The following XKR9 variants were observed in gnomAD, a reference collection of about 807,000 sequenced individuals.
The protein encoded by XKR9 is XK-related protein 9.
A neutral mutation model predicts 32.0 loss-of-function variants in XKR9; 32 were observed. The observed-to-expected ratio is 1.00, with a 90% CI of 0.76 to 1.34. XKR9 has a LOEUF of 1.34. XKR9 is among the 40% of genes most tolerant of loss of function. The probability of loss-of-function intolerance (pLI) is 0.00; values close to 1 mark genes in which losing one functional copy is unlikely to be tolerated. For synonymous variants in XKR9, 168 were observed against 143.4 expected (o/e 1.17, Z -1.22); for missense variants, 546 against 429.7 (o/e 1.27, Z -2.39).
the XKR9 span, among the ~76,000 whole-genome samples, chr8:71,055,726 A>G: frequency 6.6e-6 from 1 of 152,156 alleles, no homozygotes; most frequent in African/African-American, 2.4e-5. Flanking sequence ...AAAAAAATAG[A>G]TTCTTTCCTT....
the XKR9 span, among the ~76,000 whole-genome samples, chr8:70,796,881 C>T: frequency 1.3e-5 from 2 of 152,256 alleles, no homozygotes; most frequent in South Asian, 2.1e-4. Context: ...CTTTAGGTTA[C>T]AGGCTTAAGA....
chr8:70,813,906 C>G, the XKR9 span, among the ~76,000 whole-genome samples: 1 of 152,116 alleles, frequency 6.6e-6, no homozygotes. Flanking sequence ...GGATCTAGAA[C>G]TAGAAATACC....
In XKR9 at chr8:70,790,049, T is replaced by C. The variant is rs1441328503; in HGVS notation, n.476-32T>C. On this transcript the variant is annotated intron_variant and non_coding_transcript_variant, in intron 3 of 3. Transcript: ENST00000520273. Reference sequence around the variant, plus strand: ...CCCAGTCACCTTTGACAATTGTTTCTTTTTTTTTTTTTTTTTGGCCTCATG... The same window carrying C: ...CCCAGTCACCTTTGACAATTGTTTCCTTTTTTTTTTTTTTTTGGCCTCATG... 4 of 106,248 alleles carry C rather than the reference T, an allele frequency of 3.8e-5. No homozygotes were observed. In the East Asian group the frequency reaches 8.9e-4, roughly 24 times the overall value. The allele number at this position is 106,248 out of a possible 1,614,324, so 6.6% of individuals were successfully genotyped here.
chr8:70,818,254 G>A, the XKR9 span, among the ~76,000 whole-genome samples: 2 of 151,540 alleles, frequency 1.3e-5, no homozygotes, highest in Non-Finnish European at 2.9e-5. Context: ...TCAAGTTTCA[G>A]GTTAAATTCT....
the XKR9 span, among the ~76,000 whole-genome samples, chr8:71,034,773 C>T: frequency 6.6e-6 from 1 of 152,064 alleles, no homozygotes; most frequent in African/African-American, 2.4e-5. Flanking sequence ...AGAGGTAAAC[C>T]ATTCCCACTA....
chr8:70,760,122 G>A (rs551982729), intron 2 of XKR9, among the ~76,000 whole-genome samples: 22 of 152,106 alleles, frequency 1.4e-4, no homozygotes, highest in African/African-American at 3.1e-4. Flanking sequence ...TCAAATTAGC[G>A]TATCTTCAAC....
At chr8:70,841,599 T>A in the XKR9 span, among the ~76,000 whole-genome samples, 1 of 152,190 alleles carries the variant, frequency 6.6e-6, no homozygotes, top group Non-Finnish European at 1.5e-5. Context: ...GTTCTGTTAA[T>A]CTGGAATCAT....
the XKR9 span, among the ~76,000 whole-genome samples, chr8:71,050,298 TATATAGATATAG>T: frequency 1.1e-5 from 1 of 92,762 alleles, no homozygotes; most frequent in Non-Finnish European, 2.2e-5. Flanking sequence ...TATAGATATA[TATATAGATATAG>T]ATATAGATAT....
intron 4 of XKR9, among the ~76,000 whole-genome samples, chr8:70,718,589 GT>G (rs1806170032): frequency 6.6e-6 from 1 of 152,082 alleles, no homozygotes; most frequent in Non-Finnish European, 1.5e-5. Flanking sequence ...TTCTCTTCCT[GT>G]GTTAGTTTGC....
At position 70,674,890 on chromosome 8, in the gene XKR9, T is replaced by C. The variant is rs1818832303; in HGVS notation, c.-288T>C. The C allele has an allele frequency of 1.3e-5, 2 of 152,256 alleles. No homozygotes were observed. Among genetic ancestry groups the C allele is most frequent in the African/African-American group, 2.4e-5 (1 of 41,460 alleles). The allele number at this position is 152,256 out of a possible 1,614,324, so 9.4% of individuals were successfully genotyped here. ...ACTTTGAGTCAAAGATGGCTTTTTATATTTGACAAGTAAGTCTATGTTTTA... is the reference window on the plus strand; with the variant it reads ...ACTTTGAGTCAAAGATGGCTTTTTACATTTGACAAGTAAGTCTATGTTTTA... On this transcript the variant is annotated 5_prime_UTR_variant, in exon 2 of 5. Coordinates refer to ENST00000408926, the MANE Select transcript of XKR9 (RefSeq NM_001011720.2).
chr8:71,063,492 A>G, the XKR9 span, among the ~76,000 whole-genome samples: 1 of 152,220 alleles, frequency 6.6e-6, no homozygotes, highest in Non-Finnish European at 1.5e-5. Flanking sequence ...GACTGAATTT[A>G]CTAGCTTCTC....
At chr8:70,995,831 T>G in the XKR9 span, among the ~76,000 whole-genome samples, 2 of 152,220 alleles carry the variant, frequency 1.3e-5, no homozygotes, top group African/African-American at 2.4e-5. Flanking sequence ...TCGGAAATTC[T>G]TTCACTGACC....
the XKR9 span, among the ~76,000 whole-genome samples, chr8:71,018,725 A>G: frequency 2.0e-4 from 30 of 152,356 alleles, no homozygotes. Context: ...ATGGGAAAGT[A>G]TTTGTTAGAC....
chr8:70,703,487 G>A (rs1162552135), intron 3 of XKR9, among the ~76,000 whole-genome samples: 2 of 152,126 alleles, frequency 1.3e-5, no homozygotes, highest in Non-Finnish European at 2.9e-5. Flanking sequence ...TGGTGGATGG[G>A]CAAGGCAGCT....
At chr8:70,728,037 C>T (rs1006167791) in intron 4 of XKR9, among the ~76,000 whole-genome samples, 2 of 152,072 alleles carry the variant, frequency 1.3e-5, no homozygotes, top group Admixed American at 6.6e-5. Context: ...AGTCTAATCT[C>T]CAGGCAAGAA....
the XKR9 span, among the ~76,000 whole-genome samples, chr8:70,825,561 A>T: frequency 2.6e-5 from 4 of 152,188 alleles, no homozygotes; most frequent in African/African-American, 9.6e-5. Context: ...TTAAAACGAC[A>T]TTTCCTTGAA....
At chr8:70,817,887 T>C in the XKR9 span, among the ~76,000 whole-genome samples, 9 of 152,084 alleles carry the variant, frequency 5.9e-5, no homozygotes, top group African/African-American at 1.7e-4. Context: ...CAATAAACGG[T>C]GCTGTGATAA....
At chr8:70,948,050 T>C in the XKR9 span, among the ~76,000 whole-genome samples, 6 of 152,224 alleles carry the variant, frequency 3.9e-5, no homozygotes, top group African/African-American at 1.4e-4. Flanking sequence ...GAACAAATAA[T>C]GAGCCAGGCT....
At chr8:70,881,767 A>G in the XKR9 span, among the ~76,000 whole-genome samples, 9 of 152,332 alleles carry the variant, frequency 5.9e-5, no homozygotes, top group Non-Finnish European at 1.0e-4. Flanking sequence ...ATTACTGGGT[A>G]TACACCCAAA....
Sources: allele counts gnomAD v4.1 joint callset (sites outside exome capture counted in the v4.1 genomes callset), GRCh38; gene constraint gnomAD v4.1.1; transcripts MANE v1.5; gene names NCBI Gene and HGNC (gene_info 2026-07-23, HGNC 2026-07-21).